The following PLD5 variants were observed in gnomAD, a reference collection of about 807,000 sequenced individuals.
PLD5 encodes phospholipase D family member 5, also known as inactive phospholipase D5.
In PLD5, 36 loss-of-function variants were observed where a neutral mutation model predicts 61.1. The ratio of observed to expected loss-of-function variants is 0.59; its 90% CI spans 0.45 to 0.78. The LOEUF (loss-of-function observed/expected upper bound fraction) is 0.78. Among genes scored for constraint, PLD5 ranks in the 30% least tolerant of loss-of-function variants. The pLI is 0.00. For missense variants in PLD5, 515 were observed against 644.4 expected (o/e 0.80, Z 2.17); for synonymous variants, 243 against 242.8 (o/e 1.00, Z -0.01).
chr1:242,307,365 A>ATGATGG (rs1676439722), intron 2 of PLD5, among the ~76,000 whole-genome samples: 1 of 148,748 alleles, frequency 6.7e-6, no homozygotes. Context: ...GATGATGGTG[A>ATGATGG]TGATGATGAT....
intron 1 of PLD5, among the ~76,000 whole-genome samples, chr1:242,503,820 T>C (rs969980433): frequency 2.6e-5 from 4 of 152,174 alleles, no homozygotes; most frequent in Non-Finnish European, 4.4e-5. Flanking sequence ...GAGCCGTTGA[T>C]GGCATTTTAA....
intron 5 of PLD5, among the ~76,000 whole-genome samples, chr1:242,162,424 A>G (rs567213317): frequency 3.7e-4 from 57 of 152,334 alleles, no homozygotes; most frequent in Admixed American, 1.8e-3. Flanking sequence ...TACAGGAAGC[A>G]GGTCAATATG....
At chr1:242,510,762 A>T (rs1055530074) in intron 1 of PLD5, among the ~76,000 whole-genome samples, 1 of 151,820 alleles carries the variant, frequency 6.6e-6, no homozygotes. Flanking sequence ...GGAGAATGGC[A>T]TGACCCCGGG....
At chr1:242,470,068 G>A (rs1667393997) in intron 1 of PLD5, among the ~76,000 whole-genome samples, 1 of 152,176 alleles carries the variant, frequency 6.6e-6, no homozygotes, top group Non-Finnish European at 1.5e-5. Flanking sequence ...GCTGCCGGGT[G>A]CGGTGGCTCA....
chr1:242,359,413 G>A (rs1020714399), intron 1 of PLD5, among the ~76,000 whole-genome samples: 19 of 152,234 alleles, frequency 1.2e-4, no homozygotes, highest in African/African-American at 4.6e-4. Context: ...AGCTTTCAAT[G>A]GGGAATTTTA....
At chr1:242,240,196 C>G (rs1671908183) in intron 4 of PLD5, among the ~76,000 whole-genome samples, 1 of 152,180 alleles carries the variant, frequency 6.6e-6, no homozygotes, top group East Asian at 1.9e-4. Flanking sequence ...TCCATGGCCT[C>G]CACTGGCTTG....
chr1:242,180,988 A>G (rs12085464), intron 5 of PLD5, among the ~76,000 whole-genome samples: 12,157 of 151,692 alleles, frequency 0.08, 570 homozygotes, highest in Middle Eastern at 0.15. Context: ...GTCTCAAAAA[A>G]CAAACAAACA....
upstream of PLD5, among the ~76,000 whole-genome samples, chr1:242,528,372 A>G (rs965213918): frequency 6.6e-6 from 1 of 152,208 alleles, no homozygotes; most frequent in African/African-American, 2.4e-5. Context: ...CATTTTCATT[A>G]GCAGCTATAT....
chr1:242,353,551 T>G (rs191465507), intron 1 of PLD5, among the ~76,000 whole-genome samples: 3,228 of 152,176 alleles, frequency 0.021, 50 homozygotes, highest in African/African-American at 0.033. Context: ...GTTCTCTATA[T>G]CTTTGAAAAA....
chr1:242,095,324 C>G (rs1332696539), intron 9 of PLD5, among the ~76,000 whole-genome samples: 1 of 152,138 alleles, frequency 6.6e-6, no homozygotes, highest in Non-Finnish European at 1.5e-5. Flanking sequence ...CCTCTGTCTC[C>G]CGGGTTCAAG....
At chr1:242,172,433 C>T (rs1666817989) in intron 5 of PLD5, among the ~76,000 whole-genome samples, 1 of 152,092 alleles carries the variant, frequency 6.6e-6, no homozygotes, top group African/African-American at 2.4e-5. Flanking sequence ...CAGGGAAGAT[C>T]TAAAATCGAC....
At chr1:242,376,818 T>C in intron 1 of PLD5, 1 of 1,186,738 alleles carries the variant, frequency 8.4e-7, no homozygotes. Context: ...TGCAACAGCC[T>C]AGACAGTACT....
At chr1:242,314,638 C>A (rs2149177970) in intron 2 of PLD5, among the ~76,000 whole-genome samples, 1 of 152,266 alleles carries the variant, frequency 6.6e-6, no homozygotes, top group Non-Finnish European at 1.5e-5. Flanking sequence ...GATACCATTT[C>A]CCATTTCAAA....
chr1:242,332,123 G>C (rs773977648), intron 2 of PLD5, among the ~76,000 whole-genome samples: 5 of 152,000 alleles, frequency 3.3e-5, no homozygotes, highest in Non-Finnish European at 5.9e-5. Flanking sequence ...ACTTATGAGT[G>C]AGAACATGTG....
At chr1:242,105,770 T>C (rs1661004355) in intron 8 of PLD5, among the ~76,000 whole-genome samples, 1 of 152,098 alleles carries the variant, frequency 6.6e-6, no homozygotes, top group African/African-American at 2.4e-5. Context: ...TAATAATAGG[T>C]GTAATCTTCC....
At position 242,485,578 on chromosome 1, in the gene PLD5, T is replaced by C. The variant is rs183601162; in HGVS notation, c.189+38510A>G. 3.1e-3 allele frequency among the ~76,000 whole-genome samples: 479 copies of C among 152,258 alleles called. 3 individuals are homozygous for C. Among genetic ancestry groups the C allele is most frequent in the African/African-American group, 0.011 (440 of 41,540 alleles). ...TGAAATAAAAGAGGATACAAACAAA[T>C]GGAAGAACATTCCATGCTCATGGGC... On this transcript the variant is annotated intron_variant, in intron 1 of 9. Coordinates refer to ENST00000536534, the MANE Select transcript of PLD5 (RefSeq NM_001372062.1).
chr1:242,307,007 A>G (rs1463230747), intron 2 of PLD5, among the ~76,000 whole-genome samples: 1 of 152,258 alleles, frequency 6.6e-6, no homozygotes, highest in African/African-American at 2.4e-5. Flanking sequence ...CTCATTATCA[A>G]TTTGTAGGGC....
At chr1:242,378,682 A>C (rs1330198072) in intron 1 of PLD5, among the ~76,000 whole-genome samples, 1 of 152,040 alleles carries the variant, frequency 6.6e-6, no homozygotes, top group Non-Finnish European at 1.5e-5. Flanking sequence ...CTCTACAAAA[A>C]ATACAAAAAT....
At chr1:242,175,472 G>A (rs1667076996) in intron 5 of PLD5, among the ~76,000 whole-genome samples, 1 of 152,152 alleles carries the variant, frequency 6.6e-6, no homozygotes, top group African/African-American at 2.4e-5. Flanking sequence ...AGCTATTTAT[G>A]ATAAACCCAC....
Sources: allele counts gnomAD v4.1 joint callset (sites outside exome capture counted in the v4.1 genomes callset), GRCh38; gene constraint gnomAD v4.1.1; transcripts MANE v1.5; gene names NCBI Gene and HGNC (gene_info 2026-07-23, HGNC 2026-07-21).